B4GALT4: variants seen among roughly 807,000 people sequenced by gnomAD.
B4GALT4 encodes beta-1,4-galactosyltransferase 4.
A neutral mutation model predicts 37.3 loss-of-function variants in B4GALT4; 27 were observed. The observed-to-expected ratio is 0.72, with a 90% CI of 0.53 to 1.00. B4GALT4 has a LOEUF of 1.00. B4GALT4 is among the 50% of genes least tolerant of loss of function. The probability of loss-of-function intolerance (pLI) is 0.00; values close to 1 mark genes in which losing one functional copy is unlikely to be tolerated. For missense variants in B4GALT4, 372 were observed against 413.1 expected (o/e 0.90, Z 0.86); for synonymous variants, 148 against 154.1 (o/e 0.96, Z 0.29).
intron 3 of B4GALT4, among the ~76,000 whole-genome samples, chr3:119,228,717 A>G (rs1466628607): frequency 6.6e-6 from 1 of 152,194 alleles, no homozygotes; most frequent in Non-Finnish European, 1.5e-5. Flanking sequence ...GTGTCCCCAA[A>G]AATTCATATG....
intron 2 of B4GALT4, among the ~76,000 whole-genome samples, chr3:119,235,891 G>C (rs2078971763): frequency 1.3e-5 from 2 of 152,068 alleles, no homozygotes; most frequent in African/African-American, 2.4e-5. Context: ...TGATAAAAAT[G>C]ATCAAACAAA....
chr3:119,212,877 T>C, intron 7 of B4GALT4, 196 bp from the exon 8 acceptor site: 1 of 542,920 alleles, frequency 1.8e-6, no homozygotes, highest in Non-Finnish European at 3.2e-6. Flanking sequence ...AGACTCCACG[T>C]GAGAACCCGG....
intron 4 of B4GALT4, among the ~76,000 whole-genome samples, chr3:119,225,704 C>T (rs559560007): frequency 8.5e-5 from 13 of 152,296 alleles, no homozygotes; most frequent in South Asian, 4.1e-4. Flanking sequence ...GCTGAGCCAC[C>T]GGGCCTGGCC....
chr3:119,229,953 A>C lies in B4GALT4; in HGVS notation c.147T>G (p.Ala49=). The C allele has an allele frequency of 6.2e-7, 1 of 1,614,190 alleles. No homozygotes were observed. The stretch of plus-strand genomic sequence containing the variant: ...CCAAAATGAGGGTCTTATGGAAATT[A>C]GCCATGAACTCCTTTGCTTTAGGAA... ...QEIPKAKEFM[A]NFHKTLILGK... is the part of the protein sequence containing the mutation. The change falls in exon 3 of 8, where the codon GCT becomes GCG. Residue 49 remains alanine, a synonymous_variant. Coordinates refer to ENST00000393765, the MANE Select transcript of B4GALT4 (RefSeq NM_003778.4).
chr3:119,235,924 C>T (rs942065072), intron 2 of B4GALT4, among the ~76,000 whole-genome samples: 9 of 152,060 alleles, frequency 5.9e-5, no homozygotes, highest in Admixed American at 3.3e-4. Flanking sequence ...AGAGAAGGGG[C>T]GGCTCTTTTC....
chr3:119,237,995 G>T (rs1039529166), intron 1 of B4GALT4, among the ~76,000 whole-genome samples: 1 of 152,220 alleles, frequency 6.6e-6, no homozygotes, highest in South Asian at 2.1e-4. Flanking sequence ...GACTGGGTGT[G>T]ATGGCTCATG....
chr3:119,228,315 T>C (rs989666601), intron 3 of B4GALT4, among the ~76,000 whole-genome samples: 3 of 152,082 alleles, frequency 2.0e-5, no homozygotes, highest in African/African-American at 7.2e-5. Context: ...TTCCACTTAC[T>C]CTCTATCAGT....
intron 7 of B4GALT4, 34 bp downstream of exon 7, chr3:119,216,206 G>C: frequency 6.6e-7 from 1 of 1,516,552 alleles, no homozygotes; most frequent in Admixed American, 1.8e-5. Context: ...AGACTAGGGA[G>C]GTAGCCTGCT....
intron 4 of B4GALT4, 55 bp from the exon 5 acceptor site, chr3:119,224,300 T>C: frequency 7.1e-7 from 1 of 1,417,950 alleles, no homozygotes; most frequent in East Asian, 2.3e-5. Context: ...TTTCATATTG[T>C]TTGCCTCTTA....
rs1425499265 is a variant in B4GALT4 at position 119,216,472 on chromosome 3, A to G, written c.798-128T>C. The G allele has an allele frequency of 2.3e-5, 11 of 483,264 alleles. No individual in the cohort carries two copies. The South Asian group carries it at 5.5e-4, about 24-fold the overall frequency. 29.9% of individuals were successfully genotyped at this position (483,264 alleles called of 1,614,324 possible). ...CACACACACACACACACACACACAC[A>G]GTGTCACAAACAGCTTGATTATTGG... On this transcript the variant is annotated intron_variant, in intron 6 of 7. Coordinates refer to ENST00000393765, the MANE Select transcript of B4GALT4 (RefSeq NM_003778.4).
At chr3:119,223,938 T>C (rs529453064) in intron 5 of B4GALT4, 120 bp downstream of exon 5, 3 of 1,131,534 alleles carry the variant, frequency 2.7e-6, no homozygotes, top group Non-Finnish European at 3.6e-6. Flanking sequence ...GATGCATACA[T>C]TATGGACCAT....
At chr3:119,221,948 G>A (rs919812326) in intron 5 of B4GALT4, among the ~76,000 whole-genome samples, 1 of 152,168 alleles carries the variant, frequency 6.6e-6, no homozygotes, top group Non-Finnish European at 1.5e-5. Context: ...CAGAGTGAGC[G>A]GCATCTGATG....
intron 2 of B4GALT4, among the ~76,000 whole-genome samples, chr3:119,231,053 T>C (rs960666796): frequency 8.5e-5 from 13 of 152,176 alleles, no homozygotes; most frequent in Non-Finnish European, 1.5e-4. Flanking sequence ...ACCTAATTTA[T>C]TAATATGTAA....
At chr3:119,235,300 C>T (rs1444978897) in intron 2 of B4GALT4, 3 of 152,230 alleles carry the variant, frequency 2.0e-5, no homozygotes, top group Admixed American at 6.5e-5. Flanking sequence ...CACATTTTTA[C>T]TCCACTAAAG....
rs753625875 is a variant in B4GALT4 at position 119,239,691 on chromosome 3, A to G, written c.-364+1159T>C. On this transcript the variant is annotated intron_variant, in intron 1 of 7. Coordinates refer to ENST00000393765, the MANE Select transcript of B4GALT4 (RefSeq NM_003778.4). ...CAATCCAGGTCAGTACTTTTTCACA[A>G]CGTATGTTTTCAATCTGATCAAAGC... Among the ~76,000 whole-genome samples the G allele has an allele frequency of 7.4e-4, 113 of 152,312 alleles. No homozygotes were observed. In the Middle Eastern group the frequency reaches 0.01, roughly 14 times the overall value.
intron 2 of B4GALT4, among the ~76,000 whole-genome samples, chr3:119,233,884 T>G (rs1487754894): frequency 2.0e-5 from 3 of 152,216 alleles, no homozygotes; most frequent in Non-Finnish European, 4.4e-5. Context: ...AGTTCAGAAG[T>G]AAGGTTTCCT....
At chr3:119,222,939 G>A (rs1193768699) in intron 5 of B4GALT4, among the ~76,000 whole-genome samples, 1 of 152,190 alleles carries the variant, frequency 6.6e-6, no homozygotes, top group East Asian at 1.9e-4. Flanking sequence ...CTACATCAAT[G>A]TTACTTAAGA....
In B4GALT4 at chr3:119,212,615, T is replaced by C. The variant is rs754108910; in HGVS notation, c.969A>G (p.Lys323=). 1.2e-6 allele frequency: 2 copies of C among 1,613,256 alleles called. No individual in the cohort carries two copies. Among genetic ancestry groups the C allele is most frequent in the South Asian group, 1.1e-5 (1 of 90,838 alleles). ...AAGGATTGTGTTCCACAGATACTAA[T>C]TTATAAGAACAACTACTCAACCCAT... ...RTDGLSSCSY[K]LVSVEHNPLY... Residue 323 remains lysine (K), a synonymous_variant, in exon 8 of 8, where the codon AAA becomes AAG. Transcript: ENST00000393765.
chr3:119,225,155 C>T (rs978892617), intron 4 of B4GALT4, among the ~76,000 whole-genome samples: 2 of 152,212 alleles, frequency 1.3e-5, no homozygotes, highest in African/African-American at 2.4e-5. Flanking sequence ...GGCTAATCCT[C>T]ACAGTGGCCT....
Sources: gnomAD v4.1 joint callset for allele counts (sites outside exome capture counted in the v4.1 genomes callset) on GRCh38, gnomAD v4.1.1 for gene constraint, MANE v1.5 for transcripts, NCBI Gene and HGNC (gene_info 2026-07-23, HGNC 2026-07-21) for gene names.